Variants in PPP2R3A observed in about 807,000 individuals in gnomAD.
PPP2R3A encodes the protein protein phosphatase 2 regulatory subunit B''alpha, also known as serine/threonine-protein phosphatase 2A regulatory subunit B'' subunit alpha.
A neutral mutation model predicts 106.9 loss-of-function variants in PPP2R3A; 80 were observed. The ratio of observed to expected loss-of-function variants is 0.75; its 90% CI spans 0.62 to 0.90. The LOEUF (loss-of-function observed/expected upper bound fraction) is 0.90. Ranked by LOEUF, PPP2R3A falls within the 40% of genes least tolerant of loss-of-function variation. The pLI, the probability that PPP2R3A is intolerant of heterozygous loss-of-function variation, is 0.00. For synonymous variants in PPP2R3A, 483 were observed against 468.3 expected (o/e 1.03, Z -0.41); for missense variants, 1,386 against 1,350.4 (o/e 1.03, Z -0.41).
intron 13 of PPP2R3A, among the ~76,000 whole-genome samples, chr3:136,116,897 A>G (rs1375923239): frequency 6.6e-6 from 1 of 152,224 alleles, no homozygotes. Flanking sequence ...CCTAAGCAAC[A>G]TCTACGGAAC....
chr3:136,127,535 G>A (rs1559935070), intron 13 of PPP2R3A, among the ~76,000 whole-genome samples: 1 of 152,184 alleles, frequency 6.6e-6, no homozygotes, highest in Non-Finnish European at 1.5e-5. Context: ...ATCGACATCT[G>A]ATTGGTGTAC....
Position 136,049,828 on chromosome 3 carries a change from T to C in PPP2R3A, c.2469+467T>C, listed in dbSNP as rs192384534. ...CACTCACTGCCTCCTGACCCATTAT[T>C]TAAGTACAGTTTTTAAATGCTTGGT... On this transcript the variant is annotated intron_variant, in intron 5 of 13. Coordinates refer to ENST00000264977, the MANE Select transcript of PPP2R3A (RefSeq NM_002718.5). 2.9e-4 allele frequency among the ~76,000 whole-genome samples: 44 copies of C among 152,324 alleles called. 1 individual carries two copies. The highest frequency in any genetic ancestry group is 9.6e-4 in the African/African-American group (40 of 41,574).
chr3:136,118,167 A>G (rs1937850817), intron 13 of PPP2R3A, among the ~76,000 whole-genome samples: 1 of 152,226 alleles, frequency 6.6e-6, no homozygotes, highest in African/African-American at 2.4e-5. Context: ...GCCTTCGACA[A>G]AATTCAACAG....
Position 136,106,258 on chromosome 3 carries a change from T to A in PPP2R3A, c.3265T>A (p.Phe1089Ile). 6.2e-7 allele frequency: 1 copy of A among 1,611,724 alleles called. No homozygotes were observed. The highest frequency in any genetic ancestry group is 8.5e-7 in the Non-Finnish European group (1 of 1,179,464). The part of the protein sequence containing the change: ...DGPEPSDWDR[F>I]AAEEYETLVA... ...GCCTGAGCCCTCAGACTGGGACCGG[T>A]TTGCCGCTGAGGAGTATGAGACGCT... The change falls in exon 13 of 14, where the codon TTT (phenylalanine) becomes ATT (isoleucine). Residue 1089 changes from phenylalanine (F) to isoleucine (I), a missense_variant. Phe to Ile is a conservative substitution (Grantham distance 21). Transcript: ENST00000264977.
chr3:136,080,007 A>G (rs945446963), intron 7 of PPP2R3A, among the ~76,000 whole-genome samples: 4 of 152,158 alleles, frequency 2.6e-5, no homozygotes, highest in African/African-American at 9.7e-5. Flanking sequence ...TCTTCACTCT[A>G]CCATTTTACC....
intron 3 of PPP2R3A, among the ~76,000 whole-genome samples, chr3:136,030,319 GT>G (rs71624082): frequency 1.3e-5 from 2 of 151,022 alleles, no homozygotes; most frequent in Admixed American, 6.6e-5. Context: ...GTGTCAGTTT[GT>G]TTTTTTTGCC....
chr3:136,055,401 C>T (rs1935827196), intron 5 of PPP2R3A: 1 of 990,302 alleles, frequency 1.0e-6, no homozygotes, highest in South Asian at 1.3e-5. Context: ...ACCCTCTTAT[C>T]CCCTGTTGCT....
intron 13 of PPP2R3A, among the ~76,000 whole-genome samples, chr3:136,113,617 C>T (rs548590594): frequency 2.5e-4 from 38 of 152,118 alleles, no homozygotes; most frequent in African/African-American, 8.9e-4. Context: ...ATGGCAAAAC[C>T]CTATCTCTAC....
chr3:135,966,673 G>A (rs1467432911), intron 1 of PPP2R3A, among the ~76,000 whole-genome samples: 1 of 152,154 alleles, frequency 6.6e-6, no homozygotes, highest in Non-Finnish European at 1.5e-5. Flanking sequence ...GTCAGCAAAT[G>A]TAGGGGAAGA....
At chr3:135,979,097 G>A (rs1937500613) in intron 1 of PPP2R3A, among the ~76,000 whole-genome samples, 1 of 151,526 alleles carries the variant, frequency 6.6e-6, no homozygotes. Context: ...ATATTTATTT[G>A]GCCAGGCGTG....
intron 1 of PPP2R3A, among the ~76,000 whole-genome samples, chr3:135,977,352 A>C (rs563897169): frequency 2.5e-4 from 38 of 152,238 alleles, no homozygotes; most frequent in Non-Finnish European, 4.7e-4. Context: ...GTTCTGTGTC[A>C]ATAAAATATT....
chr3:136,032,436 T>C (rs1481456225), intron 3 of PPP2R3A, among the ~76,000 whole-genome samples: 2 of 151,876 alleles, frequency 1.3e-5, no homozygotes, highest in African/African-American at 4.8e-5. Context: ...TCTGGAGGAG[T>C]TTTTAGGATC....
chr3:136,089,601 G>A (rs1312003768), intron 9 of PPP2R3A, among the ~76,000 whole-genome samples: 1 of 143,278 alleles, frequency 7.0e-6, no homozygotes, highest in Non-Finnish European at 1.5e-5. Context: ...TTAGAATGGT[G>A]TTGTTTTTTT....
intron 2 of PPP2R3A, among the ~76,000 whole-genome samples, chr3:136,024,969 A>T (rs1405243030): frequency 6.6e-6 from 1 of 152,186 alleles, no homozygotes; most frequent in African/African-American, 2.4e-5. Context: ...ATGGATTGTC[A>T]ATTTGTTAAC....
At chr3:135,998,717 A>G (rs1044037715) in intron 1 of PPP2R3A, among the ~76,000 whole-genome samples, 1 of 152,250 alleles carries the variant, frequency 6.6e-6, no homozygotes, top group Non-Finnish European at 1.5e-5. Flanking sequence ...CAAATAGTAA[A>G]TAACCTAAAT....
chr3:136,046,321 A>C (rs377014038), intron 4 of PPP2R3A, among the ~76,000 whole-genome samples: 5 of 151,970 alleles, frequency 3.3e-5, no homozygotes, highest in East Asian at 1.9e-4. Context: ...GGGCATAGTG[A>C]TGGGCACCTA....
intron 6 of PPP2R3A, among the ~76,000 whole-genome samples, chr3:136,073,245 G>A (rs1936493368): frequency 6.6e-6 from 1 of 152,148 alleles, no homozygotes; most frequent in African/African-American, 2.4e-5. Flanking sequence ...GGGATTACAG[G>A]CATGAGCCAC....
chr3:135,985,877 T>C (rs563625586), intron 1 of PPP2R3A, among the ~76,000 whole-genome samples: 1 of 152,284 alleles, frequency 6.6e-6, no homozygotes, highest in Admixed American at 6.5e-5. Flanking sequence ...AGAAATAGTG[T>C]TGGAGTGACA....
intron 1 of PPP2R3A, among the ~76,000 whole-genome samples, chr3:135,982,855 A>G (rs1013666783): frequency 6.6e-6 from 1 of 152,056 alleles, no homozygotes; most frequent in Admixed American, 6.6e-5. Flanking sequence ...ACAGAACCCC[A>G]CTAGAGGTGG....
Sources: gnomAD v4.1 joint callset for allele counts (sites outside exome capture counted in the v4.1 genomes callset) on GRCh38, gnomAD v4.1.1 for gene constraint, MANE v1.5 for transcripts, NCBI Gene and HGNC (gene_info 2026-07-23, HGNC 2026-07-21) for gene names.